The following RBMS3 variants were observed in gnomAD, a reference collection of about 807,000 sequenced individuals.
The protein encoded by RBMS3 is RNA binding motif single stranded interacting protein 3, also known as RNA-binding motif, single-stranded-interacting protein 3.
RBMS3 carries 27 observed loss-of-function variants against 66.8 expected under a neutral mutation model. The observed-to-expected ratio is 0.40, with a 90% CI of 0.30 to 0.56. RBMS3 has a LOEUF of 0.56. Ranked by LOEUF, RBMS3 falls within the 20% of genes least tolerant of loss-of-function variation. The pLI is 0.40. For synonymous variants in RBMS3, 188 were observed against 183.0 expected (o/e 1.03, Z -0.22); for missense variants, 513 against 549.5 (o/e 0.93, Z 0.66).
intron 4 of RBMS3, among the ~76,000 whole-genome samples, chr3:29,593,465 T>C (rs2047831340): frequency 6.6e-6 from 1 of 152,198 alleles, no homozygotes; most frequent in Admixed American, 6.5e-5. Flanking sequence ...AAAGAGGCAT[T>C]GTTCCAGGGT....
At chr3:29,703,801 G>T (rs990937921) in intron 4 of RBMS3, among the ~76,000 whole-genome samples, 1 of 152,120 alleles carries the variant, frequency 6.6e-6, no homozygotes, top group Admixed American at 6.5e-5. Flanking sequence ...TGTTACAAAT[G>T]GGCCACACAG....
At chr3:29,345,592 A>G (rs13090360) in intron 1 of RBMS3, among the ~76,000 whole-genome samples, 54,384 of 151,988 alleles carry the variant, frequency 0.36, 9,940 homozygotes, top group African/African-American at 0.43. Context: ...AGCTCTTTCC[A>G]TCTGTATATT....
chr3:29,851,580 A>C (rs1186511780), intron 6 of RBMS3, among the ~76,000 whole-genome samples: 1 of 152,230 alleles, frequency 6.6e-6, no homozygotes, highest in Non-Finnish European at 1.5e-5. Context: ...AACATGAAGG[A>C]AGCTTCATTT....
chr3:29,536,492 T>C (rs960033535), intron 3 of RBMS3, among the ~76,000 whole-genome samples: 1 of 152,210 alleles, frequency 6.6e-6, no homozygotes. Flanking sequence ...CTTTGTTCTG[T>C]TCTGATGTTT....
At chr3:29,438,063 G>A (rs757016673) in intron 2 of RBMS3, among the ~76,000 whole-genome samples, 4 of 100,164 alleles carry the variant, frequency 4.0e-5, no homozygotes, top group South Asian at 3.4e-4. Context: ...TCTCTCTCTC[G>A]TAGTGTTGGC....
chr3:29,394,781 C>G (rs894402965), intron 1 of RBMS3, among the ~76,000 whole-genome samples: 4 of 152,146 alleles, frequency 2.6e-5, no homozygotes, highest in Non-Finnish European at 5.9e-5. Context: ...CAGGCACCCC[C>G]CTGTCTTTGA....
At chr3:29,662,318 A>G (rs1347337542) in intron 4 of RBMS3, among the ~76,000 whole-genome samples, 1 of 152,312 alleles carries the variant, frequency 6.6e-6, no homozygotes, top group African/African-American at 2.4e-5. Context: ...ACCATTCTAT[A>G]TTACCTGTTT....
intron 6 of RBMS3, 60 bp from the exon 7 acceptor site, chr3:29,868,798 A>G (rs1441746963): frequency 7.3e-7 from 1 of 1,372,204 alleles, no homozygotes. Context: ...TGTGACTCAC[A>G]TAATCACTTA....
chr3:29,421,223 G>C (rs79717044), intron 1 of RBMS3, among the ~76,000 whole-genome samples: 3 of 152,228 alleles, frequency 2.0e-5, no homozygotes, highest in Non-Finnish European at 4.4e-5. Flanking sequence ...CTGAATAATG[G>C]AGATGTGTAG....
chr3:29,839,849 C>T (rs1384667754), intron 6 of RBMS3, among the ~76,000 whole-genome samples: 1 of 151,722 alleles, frequency 6.6e-6, no homozygotes, highest in Non-Finnish European at 1.5e-5. Flanking sequence ...TAATGGACAT[C>T]TACTAAACAC....
chr3:29,328,208 T>C (rs1489844631), intron 1 of RBMS3, among the ~76,000 whole-genome samples: 6 of 152,170 alleles, frequency 3.9e-5, no homozygotes, highest in Non-Finnish European at 8.8e-5. Context: ...CTTGGCTTAT[T>C]GTACATTAGA....
intron 5 of RBMS3, among the ~76,000 whole-genome samples, chr3:29,745,603 G>T (rs2054855480): frequency 6.6e-6 from 1 of 152,156 alleles, no homozygotes; most frequent in African/African-American, 2.4e-5. Context: ...GGGGGACAGG[G>T]GGAGCAGGGG....
intron 6 of RBMS3, among the ~76,000 whole-genome samples, chr3:29,855,677 A>G (rs1037430721): frequency 6.6e-6 from 1 of 152,350 alleles, no homozygotes; most frequent in South Asian, 2.1e-4. Flanking sequence ...GAGACTCTTT[A>G]TGCAGATATT....
At chr3:29,574,523 C>A (rs1040448353) in intron 3 of RBMS3, among the ~76,000 whole-genome samples, 4 of 151,812 alleles carry the variant, frequency 2.6e-5, no homozygotes, top group Non-Finnish European at 4.4e-5. Context: ...TTTAGCCATT[C>A]TATGTCTTTT....
At chr3:29,774,395 A>G (rs1439986640) in intron 6 of RBMS3, among the ~76,000 whole-genome samples, 1 of 152,094 alleles carries the variant, frequency 6.6e-6, no homozygotes, top group Non-Finnish European at 1.5e-5. Flanking sequence ...CACTGAGCTA[A>G]TCACAATATG....
At chr3:29,365,130 C>T (rs980205396) in intron 1 of RBMS3, among the ~76,000 whole-genome samples, 3 of 151,968 alleles carry the variant, frequency 2.0e-5, no homozygotes, top group African/African-American at 7.3e-5. Context: ...TCAATAGTAC[C>T]TATTTATATG....
intron 6 of RBMS3, among the ~76,000 whole-genome samples, chr3:29,840,407 G>A (rs1233112560): frequency 1.3e-5 from 2 of 151,890 alleles, no homozygotes; most frequent in Non-Finnish European, 2.9e-5. Flanking sequence ...AGAAGGGTGG[G>A]CTTATTTTAC....
At chr3:29,878,778 A>G (rs2059669070) in intron 7 of RBMS3, among the ~76,000 whole-genome samples, 1 of 152,200 alleles carries the variant, frequency 6.6e-6, no homozygotes, top group Admixed American at 6.5e-5. Flanking sequence ...CTCAAAAGTC[A>G]TGCCTGTAAT....
At chr3:29,428,067 G>A (rs1186508352) in intron 1 of RBMS3, among the ~76,000 whole-genome samples, 2 of 152,286 alleles carry the variant, frequency 1.3e-5, no homozygotes, top group South Asian at 2.1e-4. Flanking sequence ...AATGCCATGC[G>A]AAGTTGAACT....
Sources: allele counts gnomAD v4.1 joint callset (sites outside exome capture counted in the v4.1 genomes callset), GRCh38; gene constraint gnomAD v4.1.1; transcripts MANE v1.5; gene names NCBI Gene and HGNC (gene_info 2026-07-23, HGNC 2026-07-21).